The following RP1 variants were observed in gnomAD, a reference collection of about 807,000 sequenced individuals.
RP1 encodes the protein RP1 axonemal microtubule associated, also known as oxygen-regulated protein 1.
A neutral mutation model predicts 14.8 loss-of-function variants in RP1; 16 were observed. The ratio of observed to expected loss-of-function variants is 1.08; its 90% CI spans 0.73 to 1.65. RP1 has a LOEUF of 1.65. Ranked by LOEUF, RP1 falls within the 40% of genes most tolerant of loss-of-function variation. The pLI is 0.00. For synonymous variants in RP1, 876 were observed against 883.6 expected (o/e 0.99, Z 0.15); for missense variants, 2,631 against 2,535.0 (o/e 1.04, Z -0.81).
downstream of RP1, among the ~76,000 whole-genome samples, chr8:54,774,032 T>A (rs1392193613): frequency 6.6e-6 from 1 of 152,224 alleles, no homozygotes; most frequent in Non-Finnish European, 1.5e-5. Context: ...TTAAATTTAA[T>A]GATTAGTCTC....
chr8:54,621,665 C>T (rs930163333), intron 2 of RP1, 84 bp downstream of exon 2: 1 of 1,595,780 alleles, frequency 6.3e-7, no homozygotes, highest in Non-Finnish European at 8.5e-7. Flanking sequence ...AATGGTGGCC[C>T]CCGGGAAGGA....
rs1363038736 is a variant in RP1, at chr8:54,601,214, A to G, written c.-12-19741A>G. Among the ~76,000 whole-genome samples, 11 of 152,372 alleles carry G rather than the reference A, an allele frequency of 7.2e-5. No homozygotes were observed. The South Asian group carries it at 2.3e-3, about 32-fold the overall frequency. On this transcript the variant is annotated intron_variant, in intron 1 of 22. Coordinates refer to the RP1 transcript ENST00000636932. ...AGATACCTCTCCACTGTTAAAAATT[A>G]AGCTTTGAAATCCTATCATAAGAAT... is the stretch of plus-strand genomic sequence containing the variant.
intron 27 of RP1, among the ~76,000 whole-genome samples, chr8:54,862,714 A>T (rs1411311133): frequency 6.6e-6 from 1 of 152,098 alleles, no homozygotes; most frequent in Non-Finnish European, 1.5e-5. Context: ...AAAGACGGAA[A>T]GTCCCCTGCA....
intron 12 of RP1, among the ~76,000 whole-genome samples, chr8:54,691,624 T>C (rs974741747): frequency 2.0e-5 from 3 of 151,888 alleles, no homozygotes; most frequent in African/African-American, 7.3e-5. Context: ...AGAAGAGGCA[T>C]GAGAACGGTA....
chr8:54,769,719 C>T, intron 22 of RP1: 1 of 1,248,740 alleles, frequency 8.0e-7, no homozygotes, highest in Non-Finnish European at 1.1e-6. Flanking sequence ...CTCTTTCTTT[C>T]TCTCTCTCTC....
intron 22 of RP1, among the ~76,000 whole-genome samples, chr8:54,761,148 T>G (rs903601618): frequency 5.3e-5 from 8 of 151,942 alleles, no homozygotes; most frequent in Admixed American, 4.6e-4. Context: ...AATCTTCTGG[T>G]GGGTAATTTA....
At chr8:54,605,887 G>T (rs932133451) in intron 1 of RP1, among the ~76,000 whole-genome samples, 1 of 151,622 alleles carries the variant, frequency 6.6e-6, no homozygotes. Context: ...TTTTCCATTT[G>T]CTTGGTAGAT....
Position 54,628,979 on chromosome 8 carries a change from A to G in RP1, c.5097A>G (p.Glu1699=). Residue 1699 remains glutamate, a synonymous_variant, in exon 4 of 4, where the codon GAA becomes GAG. Coordinates refer to ENST00000220676, the MANE Select transcript of RP1 (RefSeq NM_006269.2). ...CTATGTTGCAGGAATTCCAGGAGGAAAGACAAGATAAGTGTGATGTTAGTG... is the reference window on the plus strand; with the variant it reads ...CTATGTTGCAGGAATTCCAGGAGGAGAGACAAGATAAGTGTGATGTTAGTG... ...SSSMLQEFQE[E]RQDKCDVSAV... 3.1e-6 allele frequency: 5 copies of G among 1,614,096 alleles called. No individual in the cohort carries two copies. Among genetic ancestry groups the G allele is most frequent in the Non-Finnish European group, 4.2e-6 (5 of 1,179,980 alleles).
At position 54,649,137 on chromosome 8, in the gene RP1, G is replaced by T. The variant is rs528158701; in HGVS notation, c.940G>T (p.Asp314Tyr). ...GGCTCGATTTCAGGTTGGCCATGAA[G>T]ACATATTTACTGTAAGTAATAAAAC... The change falls in exon 4 of 23, where the codon GAC becomes TAC. Residue 314 changes from aspartate (D) to tyrosine (Y), a missense_variant. Transcript: ENST00000636932. The T allele has an allele frequency of 2.4e-3, 3,621 of 1,495,838 alleles. 6 individuals carry two copies. The highest frequency in any genetic ancestry group is 3.7e-3 in the South Asian group (280 of 75,892). The allele number at this position is 1,495,838 out of a possible 1,614,324, so 92.7% of individuals were successfully genotyped here.
intron 18 of RP1, among the ~76,000 whole-genome samples, chr8:54,736,813 A>G (rs1010746211): frequency 1.2e-4 from 18 of 152,166 alleles, no homozygotes; most frequent in African/African-American, 3.4e-4. Flanking sequence ...ACTGCATCAG[A>G]ATCTGCATTT....
chr8:54,740,637 G>T (rs1809056698), intron 19 of RP1, among the ~76,000 whole-genome samples: 1 of 151,800 alleles, frequency 6.6e-6, no homozygotes, highest in African/African-American at 2.4e-5. Context: ...CAGGAGAATT[G>T]CTTGAACCTG....
At chr8:54,753,006 C>T (rs1164551699) in intron 19 of RP1, among the ~76,000 whole-genome samples, 2 of 152,110 alleles carry the variant, frequency 1.3e-5, no homozygotes, top group Non-Finnish European at 2.9e-5. Flanking sequence ...TTACACATTA[C>T]ATATAATCTC....
rs369791590 is a variant in RP1, at chr8:54,626,797, A to G, written c.2915A>G (p.Asn972Ser). The change falls in exon 4 of 4, where the codon AAT (asparagine) becomes AGT (serine). Residue 972 changes from asparagine (N) to serine (S), a missense_variant. Transcript: ENST00000220676. ...ATAAGTAATTTTGTTATGGAAAGTA[A>G]TAAGCACATAACTAAAATTGCCGGT... ...GKISNFVMES[N>S]KHITKIAGLT... 4.3e-6 allele frequency: 7 copies of G among 1,613,680 alleles called. No homozygotes were observed. In the African/African-American group the frequency reaches 8.0e-5, roughly 18 times the overall value.
chr8:54,764,007 T>C (rs750750913), intron 22 of RP1, among the ~76,000 whole-genome samples: 9 of 152,170 alleles, frequency 5.9e-5, no homozygotes, highest in Non-Finnish European at 1.0e-4. Context: ...TAGAATAGAC[T>C]ATCAGCAAAT....
At chr8:54,867,107 A>G (rs1311296725) in intron 28 of RP1, among the ~76,000 whole-genome samples, 4 of 152,134 alleles carry the variant, frequency 2.6e-5, no homozygotes, top group African/African-American at 9.7e-5. Flanking sequence ...TGTGCTCTGA[A>G]TTTAGTAGGT....
At chr8:54,766,485 C>T (rs958158390) in intron 22 of RP1, among the ~76,000 whole-genome samples, 2 of 151,982 alleles carry the variant, frequency 1.3e-5, no homozygotes, top group African/African-American at 4.8e-5. Context: ...GCGAAAGTGA[C>T]AAGTAGTGAT....
chr8:54,819,613 G>A (rs752143325), intron 24 of RP1, among the ~76,000 whole-genome samples: 2 of 152,080 alleles, frequency 1.3e-5, no homozygotes, highest in Non-Finnish European at 2.9e-5. Flanking sequence ...TTAAGAGAAG[G>A]CTCTCCAGGT....
At chr8:54,595,843 C>G (rs1377258891) in intron 1 of RP1, among the ~76,000 whole-genome samples, 2 of 152,138 alleles carry the variant, frequency 1.3e-5, no homozygotes, top group Non-Finnish European at 2.9e-5. Flanking sequence ...AATATATGCT[C>G]TTACAGTATT....
At position 54,625,254 on chromosome 8, in the gene RP1, A is replaced by C. The variant is rs1212183335; in HGVS notation, c.1372A>C (p.Arg458=). 1.9e-6 allele frequency: 3 copies of C among 1,614,062 alleles called. No individual in the cohort carries two copies. The highest frequency in any genetic ancestry group is 1.3e-5 in the African/African-American group (1 of 74,944). ...RPPTPGLRRV[R]QKKSVIGSVT... ...CCCTACACCTGGACTAAGAAGAGTG[A>C]GACAAAAGAAATCTGTGATTGGCAG... The change falls in exon 4 of 4, where the codon AGA becomes CGA. Residue 458 remains arginine, a synonymous_variant. Transcript: ENST00000220676.
Sources: gnomAD v4.1 joint callset for allele counts (sites outside exome capture counted in the v4.1 genomes callset) on GRCh38, gnomAD v4.1.1 for gene constraint, MANE v1.5 for transcripts, NCBI Gene and HGNC (gene_info 2026-07-23, HGNC 2026-07-21) for gene names.